VPS54: variants seen among roughly 807,000 people sequenced by gnomAD.
The protein encoded by VPS54 is VPS54 subunit of GARP complex, also known as vacuolar protein sorting-associated protein 54.
Under a neutral mutation model 121.5 loss-of-function variants are expected in VPS54, and 45 were observed. The ratio of observed to expected loss-of-function variants is 0.37; its 90% CI spans 0.29 to 0.47. VPS54 has a LOEUF of 0.47. Ranked by LOEUF, VPS54 falls within the 20% of genes least tolerant of loss-of-function variation. The probability of loss-of-function intolerance (pLI) is 0.99; values close to 1 mark genes in which losing one functional copy is unlikely to be tolerated. For missense variants in VPS54, 1,090 were observed against 1,131.4 expected (o/e 0.96, Z 0.52); for synonymous variants, 371 against 385.8 (o/e 0.96, Z 0.45).
At chr2:63,999,867 GTTT>G (rs1178051221) in intron 1 of VPS54, among the ~76,000 whole-genome samples, 1 of 151,646 alleles carries the variant, frequency 6.6e-6, no homozygotes, top group Non-Finnish European at 1.5e-5. Flanking sequence ...ATCAACTGCC[GTTT>G]TTTGTTTTGA....
At chr2:63,954,473 T>C (rs1675400628) in intron 7 of VPS54, among the ~76,000 whole-genome samples, 1 of 152,168 alleles carries the variant, frequency 6.6e-6, no homozygotes, top group South Asian at 2.1e-4. Flanking sequence ...TTATCCTGTC[T>C]AATCTTGTAA....
chr2:63,914,164 G>T lies in VPS54; in HGVS notation c.2334+18C>A, dbSNP rs753571706. 1 of 1,585,590 alleles carries T rather than the reference G, an allele frequency of 6.3e-7. No individual in the cohort carries two copies. The highest frequency in any genetic ancestry group is 1.7e-5 in the Admixed American group (1 of 59,020). ...TTCCTCGAAAAATTTTTCCATAATG[G>T]AGTGAAGTCATACATACCTTCAATA... On this transcript the variant is annotated intron_variant, in intron 17 of 22. Transcript: ENST00000272322.
intron 4 of VPS54, among the ~76,000 whole-genome samples, chr2:63,970,210 T>C (rs201320090): frequency 0.25 from 25,035 of 101,480 alleles, 3,488 homozygotes; most frequent in Non-Finnish European, 0.33. Flanking sequence ...AAAATATATA[T>C]ATACACACAC....
At chr2:63,967,714 GC>G (rs2104574833) in intron 5 of VPS54, among the ~76,000 whole-genome samples, 1 of 16,720 alleles carries the variant, frequency 6.0e-5, no homozygotes, top group African/African-American at 2.6e-4. Context: ...GAGAGACTCT[GC>G]CTCAAAAAAA....
chr2:63,916,001 G>A (rs1673365194), intron 16 of VPS54, among the ~76,000 whole-genome samples: 1 of 152,122 alleles, frequency 6.6e-6, no homozygotes, highest in African/African-American at 2.4e-5. Flanking sequence ...TCCTGGAGGT[G>A]GTGGTCATTT....
intron 1 of VPS54, among the ~76,000 whole-genome samples, chr2:64,018,649 C>A (rs1331269292): frequency 6.6e-6 from 1 of 151,426 alleles, no homozygotes; most frequent in Non-Finnish European, 1.5e-5. Flanking sequence ...AGCTGGGATC[C>A]CGGAAAGATA....
intron 20 of VPS54, among the ~76,000 whole-genome samples, chr2:63,902,565 A>C (rs1030817079): frequency 4.6e-5 from 7 of 152,166 alleles, no homozygotes; most frequent in South Asian, 2.1e-4. Context: ...TAAAAAAAAA[A>C]CAAAATATAC....
At chr2:63,948,534 C>A (rs908318612) in intron 8 of VPS54, among the ~76,000 whole-genome samples, 1 of 149,606 alleles carries the variant, frequency 6.7e-6, no homozygotes, top group African/African-American at 2.5e-5. Flanking sequence ...GTAGCTGGGA[C>A]TACAGGTGTG....
rs1410021258 is a variant in VPS54 at position 63,984,534 on chromosome 2, AAAT to A, written c.-20-518_-20-516del. 5.3e-5 allele frequency among the ~76,000 whole-genome samples: 8 copies of A among 152,338 alleles called. No homozygotes were observed. In the East Asian group the frequency reaches 1.5e-3, roughly 29 times the overall value. ...ATGGACATAATAAGTAAAGCATTTAAAATAATGTCTGCCTCAGAGTTAGTATTC... is the reference window on the plus strand; with the variant it reads ...ATGGACATAATAAGTAAAGCATTTAAAATGTCTGCCTCAGAGTTAGTATTC... On this transcript the variant is annotated intron_variant, in intron 1 of 22. Transcript: ENST00000272322.
At chr2:64,006,824 G>C (rs929595407) in intron 1 of VPS54, among the ~76,000 whole-genome samples, 8 of 151,944 alleles carry the variant, frequency 5.3e-5, no homozygotes, top group African/African-American at 1.9e-4. Context: ...TCGCCATATT[G>C]GTCAGGCTAG....
intron 1 of VPS54, among the ~76,000 whole-genome samples, chr2:64,009,297 G>C (rs935474614): frequency 4.0e-5 from 6 of 151,490 alleles, no homozygotes; most frequent in Non-Finnish European, 8.9e-5. Context: ...TATTCCAAAA[G>C]AAAAAAGATA....
At position 63,897,540 on chromosome 2, in the gene VPS54, C is replaced by T; in HGVS notation, c.2784G>A (p.Gln928=). 6.3e-7 allele frequency: 1 copy of T among 1,599,832 alleles called. No homozygotes were observed. Among genetic ancestry groups the T allele is most frequent in the Non-Finnish European group, 8.5e-7 (1 of 1,174,056 alleles). The change falls in exon 22 of 23, where the codon CAG becomes CAA. Residue 928 remains glutamine (Q), a synonymous_variant. Coordinates refer to ENST00000272322, the MANE Select transcript of VPS54 (RefSeq NM_016516.3). ...NASYKLHLKK[Q]LSHLNVINDG... is the part of the protein sequence containing the mutation. ...CATTTATCACATTTAAGTGAGATAA[C>T]TGCTTTTTCAAGTGGAGTTTATAAC... is the stretch of plus-strand genomic sequence containing the variant.
chr2:63,978,365 T>C (rs1676644418), intron 3 of VPS54, among the ~76,000 whole-genome samples: 1 of 152,180 alleles, frequency 6.6e-6, no homozygotes, highest in African/African-American at 2.4e-5. Context: ...CGGTACAATA[T>C]TTAAGGAGGT....
intron 8 of VPS54, among the ~76,000 whole-genome samples, chr2:63,947,725 C>G (rs1247870717): frequency 6.6e-6 from 1 of 152,050 alleles, no homozygotes; most frequent in Non-Finnish European, 1.5e-5. Flanking sequence ...AGCTGGTTTT[C>G]GGGCAAAACA....
intron 11 of VPS54, among the ~76,000 whole-genome samples, chr2:63,936,395 C>CTAT (rs1674454180): frequency 6.6e-6 from 1 of 152,142 alleles, no homozygotes; most frequent in African/African-American, 2.4e-5. Flanking sequence ...ACTTTCTGAA[C>CTAT]TATTACACAG....
chr2:63,985,678 T>TACACACACACAC (rs1491189848), intron 1 of VPS54, among the ~76,000 whole-genome samples: 2 of 101,696 alleles, frequency 2.0e-5, no homozygotes, highest in African/African-American at 1.1e-4. Flanking sequence ...AGTGACAAAT[T>TACACACACACAC]ATACACACAC....
In VPS54 at chr2:63,953,126, A is replaced by ATT. The variant is rs1194371865; in HGVS notation, c.1011-3965_1011-3964dup. 2.7e-3 allele frequency among the ~76,000 whole-genome samples: 320 copies of ATT among 119,172 alleles called. 1 individual carries two copies. Among genetic ancestry groups the ATT allele is most frequent in the African/African-American group, 6.4e-3 (201 of 31,194 alleles). The allele number at this position is 119,172 out of a possible 152,430, so 78.2% of individuals were successfully genotyped here. On this transcript the variant is annotated intron_variant, in intron 7 of 22. Coordinates refer to ENST00000272322, the MANE Select transcript of VPS54 (RefSeq NM_016516.3). ...CACACACAACCCCATGAAATTTTTAATTTTTTTTTTTTTTTTTTTTTTTTA... is the reference window on the plus strand; with the variant it reads ...CACACACAACCCCATGAAATTTTTAATTTTTTTTTTTTTTTTTTTTTTTTTTA...
Position 63,936,252 on chromosome 2 carries a change from C to T in VPS54, c.1399-2239G>A, listed in dbSNP as rs540761944. On this transcript the variant is annotated intron_variant, in intron 11 of 22. Coordinates refer to ENST00000272322, the MANE Select transcript of VPS54 (RefSeq NM_016516.3). Reference sequence around the variant, plus strand: ...AGGGATTCTTCTTTGCTGTTTTCACCGTATCTACACTTTTAAAGATTTGCT... The same window carrying T: ...AGGGATTCTTCTTTGCTGTTTTCACTGTATCTACACTTTTAAAGATTTGCT... 1.6e-4 allele frequency among the ~76,000 whole-genome samples: 23 copies of T among 144,216 alleles called. No homozygotes were observed. The South Asian group carries it at 4.6e-3, about 29-fold the overall frequency. The allele number at this position is 144,216 out of a possible 152,430, so 94.6% of individuals were successfully genotyped here.
chr2:63,899,889 C>T (rs923013746), intron 20 of VPS54, among the ~76,000 whole-genome samples: 1 of 151,976 alleles, frequency 6.6e-6, no homozygotes, highest in South Asian at 2.1e-4. Context: ...TGATGTTGGG[C>T]AAGTTATTTA....
Sources: allele counts gnomAD v4.1 joint callset (sites outside exome capture counted in the v4.1 genomes callset), GRCh38; gene constraint gnomAD v4.1.1; transcripts MANE v1.5; gene names NCBI Gene and HGNC (gene_info 2026-07-23, HGNC 2026-07-21).